Variants in PACRG observed in about 807,000 individuals in gnomAD.
PACRG encodes the protein parkin coregulated gene protein.
A neutral mutation model predicts 29.7 loss-of-function variants in PACRG; 29 were observed. That is an observed-to-expected ratio of 0.98 (90% CI 0.73 to 1.33). The LOEUF (loss-of-function observed/expected upper bound fraction) is 1.33, where lower values mean the gene tolerates loss of function less well. Ranked by LOEUF, PACRG falls within the 40% of genes most tolerant of loss-of-function variation. The pLI is 0.00. For synonymous variants in PACRG, 116 were observed against 118.7 expected (o/e 0.98, Z 0.15); for missense variants, 279 against 316.2 (o/e 0.88, Z 0.89).
chr6:162,932,791 G>T (rs1797946672), intron 2 of PACRG, among the ~76,000 whole-genome samples: 1 of 151,570 alleles, frequency 6.6e-6, no homozygotes, highest in African/African-American at 2.4e-5. Flanking sequence ...CTAGCTAAAG[G>T]TTTGCCAATT....
intron 4 of PACRG, among the ~76,000 whole-genome samples, chr6:163,282,336 A>G (rs1784250184): frequency 6.6e-6 from 1 of 152,242 alleles, no homozygotes. Context: ...TTGGTCAAGA[A>G]GTCTTGACTG....
chr6:162,727,620 G>T (rs755930574), upstream of PACRG: 3 of 1,570,226 alleles, frequency 1.9e-6, 1 homozygote, highest in Non-Finnish European at 2.6e-6. Context: ...ACCGGGGCGT[G>T]GGGCGGCGCA....
chr6:163,100,042 C>T (rs1453108757), intron 4 of PACRG, among the ~76,000 whole-genome samples: 1 of 152,036 alleles, frequency 6.6e-6, no homozygotes, highest in Non-Finnish European at 1.5e-5. Flanking sequence ...AGGAATTCCC[C>T]GCCGCTGAGG....
At chr6:163,176,072 G>A (rs7768750) in intron 4 of PACRG, among the ~76,000 whole-genome samples, 1,567 of 152,234 alleles carry the variant, frequency 0.01, 31 homozygotes, top group African/African-American at 0.035. Flanking sequence ...AAGTAGACCC[G>A]TTAAGAGCAA....
intron 2 of PACRG, among the ~76,000 whole-genome samples, chr6:162,831,849 T>G (rs570117023): frequency 6.6e-6 from 1 of 152,352 alleles, no homozygotes; most frequent in East Asian, 1.9e-4. Context: ...TGCTCCTTTT[T>G]ATGGCTGCAT....
At chr6:162,835,599 T>C (rs1195812123) in intron 2 of PACRG, among the ~76,000 whole-genome samples, 2 of 152,166 alleles carry the variant, frequency 1.3e-5, no homozygotes, top group Non-Finnish European at 2.9e-5. Context: ...AAATATAGGT[T>C]TGATCATGCA....
intron 2 of PACRG, among the ~76,000 whole-genome samples, chr6:163,027,821 T>C (rs1807283042): frequency 1.3e-5 from 2 of 152,236 alleles, no homozygotes; most frequent in African/African-American, 4.8e-5. Context: ...CTGCATAGAA[T>C]AAGCAGAGCC....
intron 4 of PACRG, chr6:163,190,965 A>T (rs1310754082): frequency 2.2e-6 from 1 of 456,198 alleles, no homozygotes; most frequent in Non-Finnish European, 4.4e-6. Context: ...CTGAGGGATG[A>T]CTGTGTTCCT....
intron 3 of PACRG, among the ~76,000 whole-genome samples, chr6:163,069,826 A>G (rs954446512): frequency 1.3e-5 from 2 of 152,182 alleles, no homozygotes; most frequent in Non-Finnish European, 2.9e-5. Flanking sequence ...TAAAACACCA[A>G]CCAGATTTAA....
At chr6:163,237,649 GT>G (rs1313644795) in intron 4 of PACRG, among the ~76,000 whole-genome samples, 1 of 152,166 alleles carries the variant, frequency 6.6e-6, no homozygotes, top group African/African-American at 2.4e-5. Context: ...CCACATTTCT[GT>G]TCTCATAAGA....
chr6:163,186,345 G>A (rs1393234868), intron 4 of PACRG, among the ~76,000 whole-genome samples: 2 of 152,120 alleles, frequency 1.3e-5, no homozygotes, highest in African/African-American at 4.8e-5. Flanking sequence ...TCAGATTACT[G>A]AGGGAATTCT....
At chr6:162,728,587 G>A (rs1779472862) in intron 1 of PACRG, among the ~76,000 whole-genome samples, 196 bp downstream of exon 1, 1 of 152,138 alleles carries the variant, frequency 6.6e-6, no homozygotes. Flanking sequence ...TCTTGGGCAA[G>A]TGATGTACTC....
intron 2 of PACRG, among the ~76,000 whole-genome samples, chr6:162,829,054 A>C (rs934121037): frequency 1.3e-5 from 2 of 152,250 alleles, no homozygotes; most frequent in Non-Finnish European, 2.9e-5. Flanking sequence ...AGTACTTTTC[A>C]CATTTCAAAA....
At chr6:162,858,869 G>A (rs557404966) in intron 2 of PACRG, among the ~76,000 whole-genome samples, 5 of 152,250 alleles carry the variant, frequency 3.3e-5, no homozygotes, top group Middle Eastern at 6.8e-3. Context: ...CCTTCCCTGC[G>A]GTCATGGCCT....
At chr6:163,215,629 G>A (rs1781331620) in intron 4 of PACRG, among the ~76,000 whole-genome samples, 1 of 152,160 alleles carries the variant, frequency 6.6e-6, no homozygotes, top group Non-Finnish European at 1.5e-5. Flanking sequence ...AGCTATTTAT[G>A]AGCAATCTGG....
intron 2 of PACRG, among the ~76,000 whole-genome samples, chr6:162,966,986 C>T (rs1211998965): frequency 3.9e-5 from 6 of 151,992 alleles, no homozygotes; most frequent in Non-Finnish European, 5.9e-5. Context: ...AATATAAAAC[C>T]GTACAGCTTC....
chr6:162,755,010 T>C (rs1035003108), intron 1 of PACRG, among the ~76,000 whole-genome samples: 13 of 152,298 alleles, frequency 8.5e-5, no homozygotes, highest in Admixed American at 8.5e-4. Context: ...TCTTCATGAT[T>C]CAGTCTTGGA....
chr6:162,964,114 G>A (rs377533485), intron 2 of PACRG, among the ~76,000 whole-genome samples: 106 of 152,246 alleles, frequency 7.0e-4, no homozygotes, highest in African/African-American at 1.8e-3. Context: ...ATACAACACC[G>A]TGAAAGCAGA....
intron 1 of PACRG, among the ~76,000 whole-genome samples, chr6:162,737,624 G>A (rs978853081): frequency 6.6e-6 from 1 of 151,968 alleles, no homozygotes; most frequent in Non-Finnish European, 1.5e-5. Context: ...ACCACAACTT[G>A]GTAATATGTT....
Sources: gnomAD v4.1 joint callset for allele counts (sites outside exome capture counted in the v4.1 genomes callset) on GRCh38, gnomAD v4.1.1 for gene constraint, MANE v1.5 for transcripts, NCBI Gene and HGNC (gene_info 2026-07-23, HGNC 2026-07-21) for gene names.